Variants in TJP1 observed in about 807,000 individuals in gnomAD.
TJP1 encodes tight junction protein 1.
A neutral mutation model predicts 194.2 loss-of-function variants in TJP1; 43 were observed. That is an observed-to-expected ratio of 0.22 (90% CI 0.17 to 0.29). The LOEUF (loss-of-function observed/expected upper bound fraction) is 0.29, where lower values mean the gene tolerates loss of function less well. TJP1 is among the 10% of genes least tolerant of loss of function. The pLI, the probability that TJP1 is intolerant of heterozygous loss-of-function variation, is 1.00. For synonymous variants in TJP1, 801 were observed against 779.0 expected (o/e 1.03, Z -0.47); for missense variants, 1,971 against 2,185.7 (o/e 0.90, Z 1.96).
intron 2 of TJP1, among the ~76,000 whole-genome samples, chr15:29,879,260 G>T (rs2052834026): frequency 6.6e-6 from 1 of 152,248 alleles, no homozygotes; most frequent in African/African-American, 2.4e-5. Context: ...CCGTGGGGAA[G>T]AACATCTAGG....
Position 29,718,697 on chromosome 15 carries a change from C to T in TJP1, c.3445G>A (p.Ala1149Thr), listed in dbSNP as rs764493613. 3 of 1,613,998 alleles carry T rather than the reference C, an allele frequency of 1.9e-6. No individual in the cohort carries two copies. The highest frequency in any genetic ancestry group is 3.3e-5 in the Admixed American group (2 of 59,996). Residue 1149 changes from alanine to threonine, a missense_variant, in exon 21 of 28, where the codon GCA becomes ACA. This residue lies in a region of TJP1 where 1,108 missense variants were observed against 1,128.5 expected (regional missense o/e 0.98). Transcript: ENST00000614355. ...SYDSRPRYEQAPRASALRHEE... is the reference protein window; with the variant it reads ...SYDSRPRYEQTPRASALRHEE... ...TGCCGCAGGGCGGATGCTCTAGGTG[C>T]CTGTTCGTAACGTGGTCTGCTGTCG...
At chr15:29,922,354 A>T (rs941436537) in intron 2 of TJP1, among the ~76,000 whole-genome samples, 1 of 152,058 alleles carries the variant, frequency 6.6e-6, no homozygotes, top group Non-Finnish European at 1.5e-5. Flanking sequence ...ATGTATTTGC[A>T]GAGTTGTGCA....
chr15:29,828,746 T>G (rs1382646648), intron 2 of TJP1, among the ~76,000 whole-genome samples: 6 of 151,784 alleles, frequency 4.0e-5, no homozygotes, highest in Non-Finnish European at 8.8e-5. Context: ...TTTTTTTTTT[T>G]TTTTTGAGGT....
rs199551044 is a variant in TJP1 at position 29,761,817 on chromosome 15, A to G, written c.694-48T>C. On this transcript the variant is annotated intron_variant, in intron 6 of 27. Coordinates refer to ENST00000614355, the MANE Select transcript of TJP1 (RefSeq NM_001330239.4). ...GCTTGAAAGTAAATAATAAAATACA[A>G]ATGTTAACTTAGTTTGTTATAAACA... 2.8e-5 allele frequency: 40 copies of G among 1,443,288 alleles called. No homozygotes were observed. The African/African-American group carries it at 4.5e-4, about 16-fold the overall frequency. 89.4% of individuals were successfully genotyped at this position (1,443,288 alleles called of 1,614,324 possible). A position where few individuals can be genotyped will look rare whatever the true frequency, so the allele number is the denominator to read the frequency against.
At chr15:29,735,651 A>G (rs2151287887) in intron 11 of TJP1, among the ~76,000 whole-genome samples, 1 of 152,196 alleles carries the variant, frequency 6.6e-6, no homozygotes, top group South Asian at 2.1e-4. Flanking sequence ...ACTTCAAAAC[A>G]GGGTTAAGAG....
chr15:29,749,781 C>A (rs999338783), intron 8 of TJP1, among the ~76,000 whole-genome samples: 1 of 152,186 alleles, frequency 6.6e-6, no homozygotes, highest in Non-Finnish European at 1.5e-5. Context: ...TGAGTGGGAG[C>A]CTCTTCCTTT....
chr15:29,718,163 A>G, intron 21 of TJP1, 45 bp from the exon 22 acceptor site: 1 of 1,587,694 alleles, frequency 6.3e-7, no homozygotes, highest in African/African-American at 1.4e-5. Flanking sequence ...TGCCTAAGGA[A>G]CAGATAATTA....
intron 2 of TJP1, among the ~76,000 whole-genome samples, chr15:29,891,436 A>C (rs1011252210): frequency 6.6e-6 from 1 of 152,202 alleles, no homozygotes; most frequent in Non-Finnish European, 1.5e-5. Context: ...TTGTCTTTCT[A>C]TTCTTCCCAT....
intron 2 of TJP1, among the ~76,000 whole-genome samples, chr15:29,833,668 A>G (rs760195770): frequency 4.0e-5 from 6 of 151,660 alleles, no homozygotes; most frequent in Non-Finnish European, 7.4e-5. Context: ...TGCTAGGATT[A>G]CAGGTGTGAA....
At chr15:29,908,439 C>G (rs1419563280) in intron 2 of TJP1, among the ~76,000 whole-genome samples, 1 of 152,200 alleles carries the variant, frequency 6.6e-6, no homozygotes, top group African/African-American at 2.4e-5. Context: ...CTCAACCAAG[C>G]TATCAAGTGG....
chr15:29,745,618 G>C (rs1400647976), intron 8 of TJP1, among the ~76,000 whole-genome samples: 2 of 152,130 alleles, frequency 1.3e-5, no homozygotes, highest in African/African-American at 4.8e-5. Flanking sequence ...TCAGTAATCT[G>C]GTACTAGCCA....
intron 2 of TJP1, among the ~76,000 whole-genome samples, chr15:29,906,966 G>A (rs2053836096): frequency 6.6e-6 from 1 of 152,086 alleles, no homozygotes; most frequent in Non-Finnish European, 1.5e-5. Flanking sequence ...ATAAACTACA[G>A]TATGATTCTA....
upstream of TJP1, chr15:29,822,503 G>A: frequency 1.0e-6 from 1 of 984,994 alleles, no homozygotes; most frequent in East Asian, 1.1e-4. Context: ...GAGCATGCCC[G>A]GCCCGGCGGG....
chr15:29,766,813 G>A (rs1277701255), intron 4 of TJP1, among the ~76,000 whole-genome samples: 2 of 152,118 alleles, frequency 1.3e-5, no homozygotes, highest in Non-Finnish European at 2.9e-5. Flanking sequence ...GATCTTCCTG[G>A]TGTAATAATC....
At chr15:29,794,979 A>C (rs2048313698) in intron 2 of TJP1, among the ~76,000 whole-genome samples, 1 of 152,258 alleles carries the variant, frequency 6.6e-6, no homozygotes, top group Non-Finnish European at 1.5e-5. Flanking sequence ...CAGACTGACC[A>C]AGAAATAAGA....
chr15:29,714,016 G>T (rs1015142507), intron 23 of TJP1, among the ~76,000 whole-genome samples: 10 of 152,164 alleles, frequency 6.6e-5, no homozygotes, highest in African/African-American at 2.2e-4. Context: ...CTGTGTTAAT[G>T]AAAAGAAGGG....
At chr15:29,767,265 C>T (rs1230968147) in intron 4 of TJP1, among the ~76,000 whole-genome samples, 2 of 152,142 alleles carry the variant, frequency 1.3e-5, no homozygotes, top group Non-Finnish European at 2.9e-5. Context: ...ACTGAATGGC[C>T]CTGTAATCTG....
chr15:29,819,340 G>C (rs2050164906), intron 1 of TJP1, among the ~76,000 whole-genome samples: 1 of 149,112 alleles, frequency 6.7e-6, no homozygotes, highest in African/African-American at 2.4e-5. Context: ...CACCTTGCTG[G>C]CTAAATGAAC....
chr15:29,916,109 G>A (rs887297150), intron 2 of TJP1, among the ~76,000 whole-genome samples: 3 of 152,140 alleles, frequency 2.0e-5, no homozygotes, highest in South Asian at 2.1e-4. Flanking sequence ...GCCGGGCGTG[G>A]TGGCAGGCAC....
Sources: allele counts gnomAD v4.1 joint callset (sites outside exome capture counted in the v4.1 genomes callset), GRCh38; gene constraint gnomAD v4.1.1; regional missense constraint gnomAD v4.1.1; transcripts MANE v1.5; gene names NCBI Gene and HGNC (gene_info 2026-07-23, HGNC 2026-07-21).